DYNC1I1: variants seen among roughly 807,000 people sequenced by gnomAD.
The protein encoded by DYNC1I1 is cytoplasmic dynein 1 intermediate chain 1.
DYNC1I1 carries 43 observed loss-of-function variants against 86.6 expected under a neutral mutation model. That is an observed-to-expected ratio of 0.50 (90% CI 0.39 to 0.64). The LOEUF is 0.64. Ranked by LOEUF, DYNC1I1 falls within the 30% of genes least tolerant of loss-of-function variation. The probability of loss-of-function intolerance (pLI) is 0.00; values close to 1 mark genes in which losing one functional copy is unlikely to be tolerated. For synonymous variants in DYNC1I1, 262 were observed against 283.7 expected (o/e 0.92, Z 0.77); for missense variants, 604 against 788.8 (o/e 0.77, Z 2.81).
chr7:95,978,206 C>T (rs1306349354), intron 7 of DYNC1I1, among the ~76,000 whole-genome samples: 2 of 152,122 alleles, frequency 1.3e-5, no homozygotes, highest in East Asian at 1.9e-4. Context: ...TGTTATTACC[C>T]CTATTTATAG....
At chr7:96,105,515 A>G (rs1172532993) in intron 16 of DYNC1I1, among the ~76,000 whole-genome samples, 1 of 152,158 alleles carries the variant, frequency 6.6e-6, no homozygotes, top group Non-Finnish European at 1.5e-5. Context: ...CATTTGGTCA[A>G]CATGTATTAG....
At chr7:95,792,158 CAGG>C (rs1020989587) in intron 1 of DYNC1I1, among the ~76,000 whole-genome samples, 6 of 152,146 alleles carry the variant, frequency 3.9e-5, no homozygotes, top group Non-Finnish European at 7.3e-5. Flanking sequence ...TTAAGTCTAA[CAGG>C]AGGAGAAGAA....
At chr7:96,069,927 A>T (rs1005059728) in intron 14 of DYNC1I1, among the ~76,000 whole-genome samples, 15 of 152,194 alleles carry the variant, frequency 9.9e-5, no homozygotes, top group African/African-American at 3.6e-4. Context: ...AAATTGTTTC[A>T]TATTAACTAA....
intron 10 of DYNC1I1, among the ~76,000 whole-genome samples, chr7:96,012,898 A>T (rs1682660109): frequency 2.0e-5 from 3 of 151,992 alleles, no homozygotes; most frequent in South Asian, 2.1e-4. Flanking sequence ...TTATTTTTTT[A>T]AATTTTTTCC....
intron 14 of DYNC1I1, among the ~76,000 whole-genome samples, chr7:96,041,747 A>G (rs545091619): frequency 2.0e-5 from 3 of 152,260 alleles, no homozygotes; most frequent in South Asian, 2.1e-4. Flanking sequence ...GTATATTATC[A>G]TTGTTTATAA....
At chr7:96,066,949 A>G (rs1364946634) in intron 14 of DYNC1I1, among the ~76,000 whole-genome samples, 2 of 152,230 alleles carry the variant, frequency 1.3e-5, no homozygotes, top group Admixed American at 1.3e-4. Flanking sequence ...TTGCTGAAAT[A>G]TGTGCCTTGT....
intron 6 of DYNC1I1, among the ~76,000 whole-genome samples, chr7:95,952,098 G>A (rs1022236314): frequency 5.3e-5 from 8 of 152,100 alleles, no homozygotes; most frequent in African/African-American, 1.9e-4. Context: ...TAGAGAATAA[G>A]AATCTTTCCT....
At chr7:95,860,156 C>G (rs968415654) in intron 5 of DYNC1I1, among the ~76,000 whole-genome samples, 1 of 152,148 alleles carries the variant, frequency 6.6e-6, no homozygotes, top group African/African-American at 2.4e-5. Flanking sequence ...TTGCTCCACC[C>G]CTCTCTTACC....
chr7:96,040,672 CAG>C (rs1453922611), intron 14 of DYNC1I1, among the ~76,000 whole-genome samples: 5 of 151,640 alleles, frequency 3.3e-5, no homozygotes, highest in African/African-American at 1.2e-4. Context: ...GCCCTCCAAA[CAG>C]AACGTATGCA....
intron 1 of DYNC1I1, among the ~76,000 whole-genome samples, chr7:95,777,295 G>A (rs1333794248): frequency 6.6e-6 from 1 of 152,182 alleles, no homozygotes; most frequent in Non-Finnish European, 1.5e-5. Flanking sequence ...GTCTTGCCGA[G>A]TACCAAATGC....
chr7:95,980,480 G>T (rs1474063595), intron 7 of DYNC1I1, among the ~76,000 whole-genome samples: 1 of 149,930 alleles, frequency 6.7e-6, no homozygotes, highest in African/African-American at 2.5e-5. Flanking sequence ...TTTGCTCTGG[G>T]CTGAAACTTG....
intron 6 of DYNC1I1, among the ~76,000 whole-genome samples, chr7:95,938,442 G>C (rs74724460): frequency 5.3e-5 from 8 of 152,134 alleles, no homozygotes; most frequent in Non-Finnish European, 1.0e-4. Flanking sequence ...GCAGGGGAAG[G>C]TGTTAACCTG....
intron 5 of DYNC1I1, among the ~76,000 whole-genome samples, chr7:95,861,135 C>G (rs753247772): frequency 2.0e-5 from 3 of 152,120 alleles, no homozygotes; most frequent in Non-Finnish European, 4.4e-5. Context: ...GCTTCTGATT[C>G]AAGCTCCTGC....
chr7:95,981,065 T>A (rs1250366447), intron 7 of DYNC1I1, among the ~76,000 whole-genome samples: 1 of 152,152 alleles, frequency 6.6e-6, no homozygotes, highest in Non-Finnish European at 1.5e-5. Flanking sequence ...ATTTTTATAT[T>A]GAAATTTAAA....
chr7:96,030,717 C>T (rs1435102189), intron 11 of DYNC1I1, among the ~76,000 whole-genome samples: 1 of 152,130 alleles, frequency 6.6e-6, no homozygotes, highest in African/African-American at 2.4e-5. Context: ...TTCAGTTTTA[C>T]TAAGTCTATA....
intron 6 of DYNC1I1, among the ~76,000 whole-genome samples, chr7:95,917,776 G>A (rs1364769732): frequency 6.6e-6 from 1 of 152,202 alleles, no homozygotes; most frequent in Non-Finnish European, 1.5e-5. Context: ...GGCACTCGCC[G>A]TCCTTCATAG....
chr7:95,873,961 T>C (rs867632274), intron 6 of DYNC1I1, among the ~76,000 whole-genome samples: 2 of 152,214 alleles, frequency 1.3e-5, no homozygotes, highest in South Asian at 2.1e-4. Context: ...TTTGACATTT[T>C]TGTAGATACT....
intron 2 of DYNC1I1, among the ~76,000 whole-genome samples, chr7:95,808,205 G>T (rs998765131): frequency 6.6e-6 from 1 of 152,158 alleles, no homozygotes; most frequent in East Asian, 1.9e-4. Context: ...ATCAGAAATA[G>T]CTTTAAATAG....
At chr7:96,048,668 G>A (rs1303425391) in intron 14 of DYNC1I1, among the ~76,000 whole-genome samples, 1 of 152,154 alleles carries the variant, frequency 6.6e-6, no homozygotes, top group Non-Finnish European at 1.5e-5. Context: ...GTTACATTGA[G>A]GGACCCTTCC....
Sources: allele counts gnomAD v4.1 joint callset (sites outside exome capture counted in the v4.1 genomes callset), GRCh38; gene constraint gnomAD v4.1.1; transcripts MANE v1.5; gene names NCBI Gene and HGNC (gene_info 2026-07-23, HGNC 2026-07-21).